Variants in LARGE1 observed in about 807,000 individuals in gnomAD.
LARGE1 encodes LARGE xylosyl- and glucuronyltransferase 1.
Under a neutral mutation model 87.6 loss-of-function variants are expected in LARGE1, and 43 were observed. The observed-to-expected ratio is 0.49, with a 90% CI of 0.38 to 0.63. LARGE1 has a LOEUF of 0.63. Ranked by LOEUF, LARGE1 falls within the 30% of genes least tolerant of loss-of-function variation. LARGE1 has a pLI of 0.00. For missense variants in LARGE1, 802 were observed against 1,000.2 expected (o/e 0.80, Z 2.67); for synonymous variants, 434 against 394.6 (o/e 1.10, Z -1.18).
chr22:33,690,445 A>C (rs1409850435), intron 2 of LARGE1, among the ~76,000 whole-genome samples: 1 of 152,124 alleles, frequency 6.6e-6, no homozygotes, highest in African/African-American at 2.4e-5. Flanking sequence ...CCCCAGAAAT[A>C]GGTATCTACA....
chr22:33,752,042 A>T (rs748274500), intron 2 of LARGE1, among the ~76,000 whole-genome samples: 5 of 152,192 alleles, frequency 3.3e-5, no homozygotes, highest in African/African-American at 7.2e-5. Flanking sequence ...TTGGCCTCCC[A>T]AAGTGCTGGG....
chr22:33,601,693 AAGC>A (rs987849938), intron 5 of LARGE1, among the ~76,000 whole-genome samples: 19 of 152,328 alleles, frequency 1.2e-4, no homozygotes, highest in African/African-American at 4.6e-4. Context: ...GGGGAATAAA[AAGC>A]AGGTGTCAGG....
At chr22:33,279,881 C>T (rs1250995779) in intron 13 of LARGE1, among the ~76,000 whole-genome samples, 1 of 152,200 alleles carries the variant, frequency 6.6e-6, no homozygotes, top group African/African-American at 2.4e-5. Context: ...GGTTTTAAAG[C>T]ACAATGGAGC....
intron 1 of LARGE1, among the ~76,000 whole-genome samples, chr22:33,803,677 GT>G (rs763373318): frequency 5.4e-4 from 83 of 152,302 alleles, no homozygotes; most frequent in Non-Finnish European, 9.8e-4. Context: ...AGCTTCAAGA[GT>G]TCTCTCCCAG....
At chr22:33,125,231 C>A in the LARGE1 span, among the ~76,000 whole-genome samples, 6 of 152,146 alleles carry the variant, frequency 3.9e-5, no homozygotes, top group Admixed American at 3.9e-4. Context: ...ATGAGTCCCG[C>A]CTGCCTCCTA....
At chr22:33,210,827 G>A (rs752321641) in intron 11 of LARGE1, among the ~76,000 whole-genome samples, 2 of 152,198 alleles carry the variant, frequency 1.3e-5, no homozygotes, top group African/African-American at 4.8e-5. Context: ...CTCACACCAC[G>A]GATGCCTCTG....
At chr22:33,444,693 G>A (rs745642315) in intron 6 of LARGE1, among the ~76,000 whole-genome samples, 37 of 152,282 alleles carry the variant, frequency 2.4e-4, no homozygotes, top group Non-Finnish European at 2.1e-4. Context: ...AATGAAAGGC[G>A]TATTTCAAAG....
chr22:33,192,130 T>C (rs13054733), intron 11 of LARGE1, among the ~76,000 whole-genome samples: 1 of 152,354 alleles, frequency 6.6e-6, no homozygotes, highest in African/African-American at 2.4e-5. Context: ...GTATCTATTG[T>C]TTATGAAAGG....
intron 2 of LARGE1, among the ~76,000 whole-genome samples, chr22:33,675,993 C>CT (rs1343594775): frequency 7.6e-6 from 1 of 131,172 alleles, no homozygotes; most frequent in Non-Finnish European, 1.6e-5. Context: ...CTTATAAAGC[C>CT]TGGAGGTTTT....
intron 5 of LARGE1, among the ~76,000 whole-genome samples, chr22:33,586,908 G>T (rs1375674449): frequency 3.3e-5 from 5 of 152,124 alleles, no homozygotes; most frequent in Admixed American, 2.0e-4. Flanking sequence ...CAATGAAAAC[G>T]AGAAAACTAG....
intron 6 of LARGE1, among the ~76,000 whole-genome samples, chr22:33,493,456 C>T (rs1056407120): frequency 3.3e-5 from 5 of 152,060 alleles, no homozygotes; most frequent in African/African-American, 1.2e-4. Context: ...CCACCGTGCC[C>T]GGCCTGAGCA....
At chr22:33,854,331 C>T (rs1601782660) in intron 1 of LARGE1, among the ~76,000 whole-genome samples, 3 of 148,880 alleles carry the variant, frequency 2.0e-5, no homozygotes, top group Admixed American at 2.0e-4. Context: ...CTATTAATTA[C>T]TTCAGCAGTT....
At chr22:33,526,817 T>TTTGATTAATTGAA (rs1235254408) in intron 6 of LARGE1, among the ~76,000 whole-genome samples, 3 of 152,170 alleles carry the variant, frequency 2.0e-5, no homozygotes, top group Non-Finnish European at 2.9e-5. Context: ...TAATCCACCA[T>TTTGATTAATTGAA]TTGATTAAAA....
At chr22:33,816,592 G>A (rs1017866172) in intron 1 of LARGE1, among the ~76,000 whole-genome samples, 1 of 152,022 alleles carries the variant, frequency 6.6e-6, no homozygotes, top group Non-Finnish European at 1.5e-5. Context: ...CAAATTCTGA[G>A]GGGGTGTAAA....
the LARGE1 span, among the ~76,000 whole-genome samples, chr22:33,066,779 G>C: frequency 6.6e-6 from 1 of 152,206 alleles, no homozygotes; most frequent in African/African-American, 2.4e-5. Flanking sequence ...ACAGAAGCTA[G>C]ACAACTGGCT....
intron 3 of LARGE1, among the ~76,000 whole-genome samples, chr22:33,628,901 G>A (rs773894582): frequency 5.9e-5 from 9 of 152,094 alleles, no homozygotes; most frequent in Non-Finnish European, 1.3e-4. Flanking sequence ...TAGAGGCCAG[G>A]GATGCTGCTC....
chr22:33,365,622 T>G (rs1601597785), intron 9 of LARGE1, among the ~76,000 whole-genome samples: 1 of 150,566 alleles, frequency 6.6e-6, no homozygotes, highest in Non-Finnish European at 1.5e-5. Context: ...CTCTCTTTTT[T>G]TTTTTTTTTT....
intron 1 of LARGE1, among the ~76,000 whole-genome samples, chr22:33,914,810 A>G (rs116030534): frequency 3.3e-5 from 5 of 152,048 alleles, no homozygotes; most frequent in African/African-American, 4.8e-5. Context: ...CTAAATTCCT[A>G]CTTACAAGAT....
chr22:33,379,401 T>C (rs367725337), intron 9 of LARGE1, among the ~76,000 whole-genome samples: 1 of 152,090 alleles, frequency 6.6e-6, no homozygotes, highest in African/African-American at 2.4e-5. Context: ...CTCCTAATGC[T>C]ATTCCTCCTC....
Sources: allele counts gnomAD v4.1 joint callset (sites outside exome capture counted in the v4.1 genomes callset), GRCh38; gene constraint gnomAD v4.1.1; transcripts MANE v1.5; gene names NCBI Gene and HGNC (gene_info 2026-07-23, HGNC 2026-07-21).